The following DSN1 variants were observed in gnomAD, a reference collection of about 807,000 sequenced individuals.
DSN1 encodes DSN1 component of MIS12 kinetochore complex.
Under a neutral mutation model 45.7 loss-of-function variants are expected in DSN1, and 31 were observed. The observed-to-expected ratio is 0.68, with a 90% CI of 0.51 to 0.92. The LOEUF (loss-of-function observed/expected upper bound fraction) is 0.92. Among genes scored for constraint, DSN1 ranks in the 40% least tolerant of loss-of-function variants. The pLI, the probability that DSN1 is intolerant of heterozygous loss-of-function variation, is 0.00. For synonymous variants in DSN1, 134 were observed against 142.3 expected (o/e 0.94, Z 0.41); for missense variants, 394 against 414.2 (o/e 0.95, Z 0.42).
chr20:36,764,214 C>T lies in DSN1; in HGVS notation c.503-1666G>A, dbSNP rs376615843. Reference sequence around the variant, plus strand: ...CCAGCCTGGGCAACAGAGCGAGATCCTGTCTCAAAAAAAAAAAAAAATTAT... The same window carrying T: ...CCAGCCTGGGCAACAGAGCGAGATCTTGTCTCAAAAAAAAAAAAAAATTAT... On this transcript the variant is annotated intron_variant, in intron 5 of 10. Coordinates refer to ENST00000373750, the MANE Select transcript of DSN1 (RefSeq NM_001145315.2). Among the ~76,000 whole-genome samples, 41 of 150,730 alleles carry T rather than the reference C, an allele frequency of 2.7e-4. 1 individual carries two copies. The highest frequency in any genetic ancestry group is 8.5e-4 in the African/African-American group (35 of 41,022).
At chr20:36,771,523 C>A in intron 1 of DSN1, 50 bp from the exon 2 acceptor site, 1 of 1,559,886 alleles carries the variant, frequency 6.4e-7, no homozygotes, top group South Asian at 1.1e-5. Context: ...TCACTGCAGT[C>A]TCAATGGGGC....
intron 3 of DSN1, 109 bp from the exon 4 acceptor site, chr20:36,768,151 A>C (rs1987451245): frequency 1.0e-6 from 1 of 969,560 alleles, no homozygotes; most frequent in Non-Finnish European, 1.6e-6. Flanking sequence ...AGGCAAGAAC[A>C]GCCTTCTTTA....
At chr20:36,763,809 C>T (rs568448108) in intron 5 of DSN1, among the ~76,000 whole-genome samples, 1 of 135,368 alleles carries the variant, frequency 7.4e-6, no homozygotes, top group African/African-American at 2.7e-5. Flanking sequence ...ATCACTTGAA[C>T]CTGGGAGGCG....
intron 8 of DSN1, among the ~76,000 whole-genome samples, chr20:36,757,805 A>C (rs942874050): frequency 2.6e-5 from 4 of 152,208 alleles, no homozygotes; most frequent in Admixed American, 1.3e-4. Context: ...GCCAGATACA[A>C]TGCAGAGATG....
At chr20:36,760,006 G>C (rs551724767) in intron 6 of DSN1, among the ~76,000 whole-genome samples, 1 of 152,094 alleles carries the variant, frequency 6.6e-6, no homozygotes, top group African/African-American at 2.4e-5. Flanking sequence ...CAGTCTAGGA[G>C]ACCGAGGCAG....
rs796090472 is a variant in DSN1, at chr20:36,762,133, GTCTC to G, written c.590+324_590+327del. ...TTTTTTTTTTTTTTTGTGAGACAGAGTCTCTCTCTGTCACCCAGGCTGGAGTGCA... is the reference window on the plus strand; with the variant it reads ...TTTTTTTTTTTTTTTGTGAGACAGAGTCTCTGTCACCCAGGCTGGAGTGCA... On this transcript the variant is annotated intron_variant, in intron 6 of 10. Coordinates refer to ENST00000373750, the MANE Select transcript of DSN1 (RefSeq NM_001145315.2). Among the ~76,000 whole-genome samples the G allele has an allele frequency of 2.1e-3, 261 of 126,496 alleles. 2 individuals are homozygous for G. Among genetic ancestry groups the G allele is most frequent in the African/African-American group, 7.6e-3 (248 of 32,502 alleles). 83.0% of individuals were successfully genotyped at this position (126,496 alleles called of 152,430 possible). A position where few individuals can be genotyped will look rare whatever the true frequency, so the allele number is the denominator to read the frequency against.
Position 36,771,127 on chromosome 20 carries a change from A to C in DSN1, c.101T>G (p.Val34Gly). The C allele has an allele frequency of 6.2e-7, 1 of 1,614,194 alleles. No homozygotes were observed. Among genetic ancestry groups the C allele is most frequent in the Non-Finnish European group, 8.5e-7 (1 of 1,180,046 alleles). ...QLESSLSPVE[V>G]FAKTSASLEM... Reference sequence around the variant, plus strand: ...CAGGGAGGCAGATGTTTTAGCAAACACTTCCACAGGACTGAGACTTGATTC... The same window carrying C: ...CAGGGAGGCAGATGTTTTAGCAAACCCTTCCACAGGACTGAGACTTGATTC... Residue 34 changes from valine to glycine, a missense_variant, in exon 3 of 11, where the codon GTG becomes GGG. Transcript: ENST00000373750.
At chr20:36,760,913 T>C (rs900566795) in intron 6 of DSN1, among the ~76,000 whole-genome samples, 5 of 152,096 alleles carry the variant, frequency 3.3e-5, no homozygotes, top group Admixed American at 3.3e-4. Context: ...AAAAAAGAGA[T>C]GCTACTTTAA....
intron 9 of DSN1, 87 bp from the exon 10 acceptor site, chr20:36,754,937 G>T: frequency 8.8e-7 from 1 of 1,135,740 alleles, no homozygotes; most frequent in Non-Finnish European, 1.3e-6. Flanking sequence ...TTGCTCAGGA[G>T]CTCTGGGCTT....
At chr20:36,754,712 G>C (rs1202221733) in intron 10 of DSN1, 51 bp downstream of exon 10, 1 of 1,510,474 alleles carries the variant, frequency 6.6e-7, no homozygotes, top group South Asian at 1.1e-5. Flanking sequence ...TATCCCAAAG[G>C]CTATCATGGA....
At chr20:36,757,615 A>C (rs893775201) in intron 8 of DSN1, among the ~76,000 whole-genome samples, 2 of 152,100 alleles carry the variant, frequency 1.3e-5, no homozygotes, top group African/African-American at 4.8e-5. Context: ...GCACTTTCCT[A>C]CTTTTCCTCT....
chr20:36,755,700 A>T lies in DSN1; in HGVS notation c.855T>A (p.Phe285Leu). The change falls in exon 9 of 11, where the codon TTT (phenylalanine) becomes TTA (leucine). Residue 285 changes from phenylalanine to leucine, a missense_variant. Transcript: ENST00000373750. The stretch of plus-strand genomic sequence containing the variant: ...CACTTACCACCAACTCCATACAGTC[A>T]AAGACTTTGCTCTGGTTCTGTAATA... ...QKILQNQSKV[F>L]DCMELVMDEL... The T allele has an allele frequency of 1.2e-6, 2 of 1,614,032 alleles. No homozygotes were observed. The highest frequency in any genetic ancestry group is 1.7e-6 in the Non-Finnish European group (2 of 1,179,978).
intron 1 of DSN1, among the ~76,000 whole-genome samples, chr20:36,772,060 T>C (rs1192567639): frequency 6.6e-6 from 1 of 151,970 alleles, no homozygotes; most frequent in Non-Finnish European, 1.5e-5. Context: ...TTTGCATTTT[T>C]AGTAGAGATG....
At chr20:36,769,934 C>G (rs1987546908) in intron 3 of DSN1, among the ~76,000 whole-genome samples, 1 of 123,956 alleles carries the variant, frequency 8.1e-6, no homozygotes, top group Non-Finnish European at 1.7e-5. Flanking sequence ...CACACACACA[C>G]ACACACAGAG....
At chr20:36,769,994 A>T in intron 3 of DSN1, among the ~76,000 whole-genome samples, 1 of 20,332 alleles carries the variant, frequency 4.9e-5, no homozygotes, top group Non-Finnish European at 9.4e-5. Context: ...GGTGGGGTGC[A>T]GGGAGGGAAG....
Position 36,768,063 on chromosome 20 carries a change from A to G in DSN1, c.356-21T>C. On this transcript the variant is annotated intron_variant, in intron 3 of 10. Transcript: ENST00000373750. ...GAGCTCTAACATAAAACATAGCCACATTTAAGGAGCTGGATAGTTACATAG... is the reference window on the plus strand; with the variant it reads ...GAGCTCTAACATAAAACATAGCCACGTTTAAGGAGCTGGATAGTTACATAG... The G allele has an allele frequency of 3.1e-6, 5 of 1,613,386 alleles. No individual in the cohort carries two copies. In the Admixed American group the frequency reaches 5.0e-5, roughly 16 times the overall value.
chr20:36,763,308 G>A (rs1458813519), intron 5 of DSN1, among the ~76,000 whole-genome samples: 1 of 150,378 alleles, frequency 6.6e-6, no homozygotes, highest in Non-Finnish European at 1.5e-5. Context: ...GGGAGGCTGA[G>A]GCAGGGGAAT....
chr20:36,762,296 G>C (rs1987037125), intron 6 of DSN1, among the ~76,000 whole-genome samples, 165 bp downstream of exon 6: 1 of 151,792 alleles, frequency 6.6e-6, no homozygotes, highest in South Asian at 2.1e-4. Flanking sequence ...ATTTTTAGTA[G>C]AGATGGGGTT....
At chr20:36,758,779 C>G (rs544762091) in intron 6 of DSN1, among the ~76,000 whole-genome samples, 162 bp from the exon 7 acceptor site, 1 of 152,354 alleles carries the variant, frequency 6.6e-6, no homozygotes, top group African/African-American at 2.4e-5. Context: ...CCTCTGCCTC[C>G]CTGGTTCAAC....
Sources: gnomAD v4.1 joint callset for allele counts (sites outside exome capture counted in the v4.1 genomes callset) on GRCh38, gnomAD v4.1.1 for gene constraint, MANE v1.5 for transcripts, NCBI Gene and HGNC (gene_info 2026-07-23, HGNC 2026-07-21) for gene names.